Variants in ULK4 observed in about 807,000 individuals in gnomAD.
ULK4 encodes inactive serine/threonine-protein kinase ULK4.
ULK4 carries 133 observed loss-of-function variants against 160.6 expected under a neutral mutation model. The ratio of observed to expected loss-of-function variants is 0.83; its 90% CI spans 0.72 to 0.96. The LOEUF (loss-of-function observed/expected upper bound fraction) is 0.96. Ranked by LOEUF, ULK4 falls within the 40% of genes least tolerant of loss-of-function variation. The probability of loss-of-function intolerance (pLI) is 0.00; values close to 1 mark genes in which losing one functional copy is unlikely to be tolerated. For synonymous variants in ULK4, 534 were observed against 539.8 expected, an observed-to-expected ratio of 0.99 and a Z score of 0.15; for missense variants, 1,580 against 1,499.5, an observed-to-expected ratio of 1.05 and a Z score of -0.89.
intron 32 of ULK4, among the ~76,000 whole-genome samples, chr3:41,474,225 T>C (rs1575274193): frequency 1.3e-5 from 2 of 152,184 alleles, no homozygotes; most frequent in Admixed American, 1.3e-4. Context: ...CAATTGACTC[T>C]TGACAAAGGT....
At chr3:41,252,356 T>C (rs1012899406) in intron 35 of ULK4, among the ~76,000 whole-genome samples, 1 of 152,142 alleles carries the variant, frequency 6.6e-6, no homozygotes, top group Non-Finnish European at 1.5e-5. Context: ...AAAGTGCTAT[T>C]ATAAAAATGC....
Position 41,622,470 on chromosome 3 carries a change from T to A in ULK4, c.3072-6753A>T, listed in dbSNP as rs1039576593. ...TGCAGGGACATGAAGCTGGAAACCA[T>A]CATTCTCAGCAAACTAACACAGGAA... On this transcript the variant is annotated intron_variant, in intron 30 of 36. Transcript: ENST00000301831. Among the ~76,000 whole-genome samples the A allele has an allele frequency of 5.3e-5, 8 of 152,158 alleles. 1 individual carries two copies. The highest frequency in any genetic ancestry group is 9.6e-5 in the African/African-American group (4 of 41,496).
chr3:41,627,818 G>A (rs987613091), intron 30 of ULK4, among the ~76,000 whole-genome samples: 3 of 152,198 alleles, frequency 2.0e-5, no homozygotes, highest in African/African-American at 7.2e-5. Flanking sequence ...CCAAACTGGT[G>A]AGAGGAGGTG....
intron 35 of ULK4, among the ~76,000 whole-genome samples, chr3:41,382,654 C>CA (rs199637549): frequency 1.5e-4 from 22 of 149,642 alleles, no homozygotes; most frequent in Non-Finnish European, 2.7e-4. Context: ...TACTAGTTTA[C>CA]AAAAAAAAAC....
rs71094650 is a variant in ULK4 at position 41,470,018 on chromosome 3, GAAAAAAAAAAAAAAA to G, written c.3227-6780_3227-6766del. ...GAGGAATTCAAGAAGAAACAGAACA[GAAAAAAAAAAAAAAA>G]AAAAAAAAAAAAACAAAGTATTTTT... On this transcript the variant is annotated intron_variant, in intron 32 of 36. Transcript: ENST00000301831. Among the ~76,000 whole-genome samples, 145 of 45,984 alleles carry G rather than the reference GAAAAAAAAAAAAAAA, an allele frequency of 3.2e-3. 2 individuals carry two copies. The highest frequency in any genetic ancestry group is 0.011 in the African/African-American group (127 of 11,338). 30.2% of individuals were successfully genotyped at this position (45,984 alleles called of 152,430 possible). A position where few individuals can be genotyped will look rare whatever the true frequency, so the allele number is the denominator to read the frequency against.
At chr3:41,750,309 T>C (rs879880918) in intron 22 of ULK4, among the ~76,000 whole-genome samples, 4 of 152,208 alleles carry the variant, frequency 2.6e-5, no homozygotes, top group African/African-American at 7.2e-5. Flanking sequence ...TTTTGTGCCT[T>C]TTAATTCTTT....
At chr3:41,684,374 A>C (rs2036029350) in intron 27 of ULK4, among the ~76,000 whole-genome samples, 1 of 152,220 alleles carries the variant, frequency 6.6e-6, no homozygotes, top group Non-Finnish European at 1.5e-5. Flanking sequence ...GTCAGTTACA[A>C]ACGTTGCTGC....
intron 11 of ULK4, among the ~76,000 whole-genome samples, chr3:41,909,197 G>A (rs1356304477): frequency 6.6e-6 from 1 of 151,774 alleles, no homozygotes; most frequent in Non-Finnish European, 1.5e-5. Context: ...GTAGGTGAAG[G>A]TTGCAGTGAG....
At chr3:41,924,456 G>A (rs1699307608) in intron 5 of ULK4, among the ~76,000 whole-genome samples, 1 of 152,176 alleles carries the variant, frequency 6.6e-6, no homozygotes, top group African/African-American at 2.4e-5. Flanking sequence ...CTGTCATAGA[G>A]ACTGTTCTTA....
At chr3:41,472,867 TAC>T (rs2084028423) in intron 32 of ULK4, among the ~76,000 whole-genome samples, 1 of 152,092 alleles carries the variant, frequency 6.6e-6, no homozygotes, top group Non-Finnish European at 1.5e-5. Context: ...GATGTAAAAA[TAC>T]TCAATAAAAT....
At chr3:41,545,820 CTCTG>C (rs574944936) in intron 32 of ULK4, among the ~76,000 whole-genome samples, 256 of 152,112 alleles carry the variant, frequency 1.7e-3, no homozygotes, top group African/African-American at 5.8e-3. Flanking sequence ...TCTTTTCTTT[CTCTG>C]TCTCTCACAT....
At chr3:41,538,243 C>A (rs778141024) in intron 32 of ULK4, among the ~76,000 whole-genome samples, 1 of 152,112 alleles carries the variant, frequency 6.6e-6, no homozygotes, top group Non-Finnish European at 1.5e-5. Context: ...TTATGGTAAT[C>A]TTGCACCAAC....
At chr3:41,820,166 T>C (rs1389016748) in intron 18 of ULK4, among the ~76,000 whole-genome samples, 2 of 152,064 alleles carry the variant, frequency 1.3e-5, no homozygotes, top group Non-Finnish European at 2.9e-5. Context: ...AAAAATTAGG[T>C]TCTACTTACG....
At chr3:41,860,846 G>A (rs2042483814) in intron 17 of ULK4, among the ~76,000 whole-genome samples, 2 of 152,068 alleles carry the variant, frequency 1.3e-5, no homozygotes, top group South Asian at 4.1e-4. Flanking sequence ...CTGGGGATAT[G>A]ATTTAGTTTC....
chr3:41,798,511 T>C (rs1351731156), intron 20 of ULK4, among the ~76,000 whole-genome samples: 1 of 152,188 alleles, frequency 6.6e-6, no homozygotes, highest in Non-Finnish European at 1.5e-5. Context: ...TATCCATTGA[T>C]CTTCAAGATT....
intron 32 of ULK4, among the ~76,000 whole-genome samples, chr3:41,489,576 C>T (rs185010576): frequency 6.6e-6 from 1 of 152,228 alleles, no homozygotes; most frequent in East Asian, 1.9e-4. Flanking sequence ...TCCCCATGAC[C>T]CCCCACCTCA....
chr3:41,580,372 A>ATTT (rs1383641470), intron 31 of ULK4, among the ~76,000 whole-genome samples: 12 of 150,306 alleles, frequency 8.0e-5, no homozygotes, highest in African/African-American at 2.8e-4. Flanking sequence ...TAAACCAATT[A>ATTT]TTTATTTTTT....
Position 41,823,541 on chromosome 3 carries a change from C to A in ULK4, c.1765-4035G>T, listed in dbSNP as rs2041221924. Among the ~76,000 whole-genome samples, 3 of 152,224 alleles carry A rather than the reference C, an allele frequency of 2.0e-5. No homozygotes were observed. The South Asian group carries it at 6.2e-4, about 31-fold the overall frequency. ...AAAATGTGTTGCCTTATAATACCCT[C>A]TGCAGAATCACACTCTGGTCTTCTG... On this transcript the variant is annotated intron_variant, in intron 18 of 36. Transcript: ENST00000301831.
intron 20 of ULK4, 110 bp from the exon 21 acceptor site, chr3:41,789,953 CTT>C: frequency 1.0e-6 from 1 of 966,434 alleles, no homozygotes; most frequent in Non-Finnish European, 1.4e-6. Context: ...TTACTTGGCT[CTT>C]TTATTACTTA....
Sources: allele counts gnomAD v4.1 joint callset (sites outside exome capture counted in the v4.1 genomes callset), GRCh38; gene constraint gnomAD v4.1.1; transcripts MANE v1.5; gene names NCBI Gene and HGNC (gene_info 2026-07-23, HGNC 2026-07-21).